Variants in DLC1 observed in about 807,000 individuals in gnomAD.
The protein encoded by DLC1 is rho GTPase-activating protein 7.
A neutral mutation model predicts 140.3 loss-of-function variants in DLC1; 54 were observed. The ratio of observed to expected loss-of-function variants is 0.38; its 90% CI spans 0.31 to 0.48. The LOEUF is 0.48. Among genes scored for constraint, DLC1 ranks in the 20% least tolerant of loss-of-function variants. The pLI is 0.96. For missense variants in DLC1, 2,536 were observed against 1,907.0 expected (o/e 1.33, Z -6.14); for synonymous variants, 986 against 728.1 (o/e 1.35, Z -5.70).
chr8:13,604,133 C>G (rs1368799773), intron 1 of DLC1, among the ~76,000 whole-genome samples: 1 of 151,740 alleles, frequency 6.6e-6, no homozygotes, highest in Non-Finnish European at 1.5e-5. Flanking sequence ...GAGGTAGAAA[C>G]AAAAGTAAAA....
intron 5 of DLC1, among the ~76,000 whole-genome samples, chr8:13,274,647 A>G (rs1218034257): frequency 2.0e-5 from 3 of 152,214 alleles, no homozygotes; most frequent in Non-Finnish European, 4.4e-5. Flanking sequence ...CAGGGATAAC[A>G]TTCTTATTCT....
At chr8:13,119,670 G>A (rs1317485354) in intron 5 of DLC1, among the ~76,000 whole-genome samples, 2 of 152,160 alleles carry the variant, frequency 1.3e-5, no homozygotes, top group East Asian at 3.9e-4. Flanking sequence ...AGCTTTCTGA[G>A]GCCAAGCGAG....
At chr8:13,462,038 G>C (rs1371617159) in intron 2 of DLC1, among the ~76,000 whole-genome samples, 1 of 152,062 alleles carries the variant, frequency 6.6e-6, no homozygotes, top group Non-Finnish European at 1.5e-5. Flanking sequence ...TTCCATCTTT[G>C]TATTACAAAT....
At chr8:13,394,123 T>G (rs1274837423) in intron 3 of DLC1, among the ~76,000 whole-genome samples, 1 of 152,188 alleles carries the variant, frequency 6.6e-6, no homozygotes, top group Non-Finnish European at 1.5e-5. Context: ...ACAAAGAGAG[T>G]TCTCATTTCT....
intron 5 of DLC1, among the ~76,000 whole-genome samples, chr8:13,184,656 C>G (rs1268706703): frequency 6.6e-6 from 1 of 152,184 alleles, no homozygotes. Context: ...GTACTGTGGT[C>G]TGAGAGACAG....
intron 5 of DLC1, among the ~76,000 whole-genome samples, chr8:13,271,938 T>C (rs1390392974): frequency 1.3e-5 from 2 of 152,206 alleles, no homozygotes; most frequent in East Asian, 3.9e-4. Flanking sequence ...GGCTTCCAAA[T>C]TGTTGGGATT....
intron 3 of DLC1, among the ~76,000 whole-genome samples, chr8:13,394,745 C>G (rs1164704756): frequency 1.3e-5 from 2 of 152,308 alleles, no homozygotes; most frequent in Non-Finnish European, 2.9e-5. Flanking sequence ...TCTTGTTTCT[C>G]AGTCCTACCT....
chr8:13,456,196 G>T (rs958041582), intron 2 of DLC1, among the ~76,000 whole-genome samples: 15 of 152,078 alleles, frequency 9.9e-5, no homozygotes, highest in African/African-American at 3.6e-4. Flanking sequence ...AAACATTTTG[G>T]CCTTTGCATC....
intron 6 of DLC1, 39 bp downstream of exon 6, chr8:13,115,547 G>T: frequency 1.3e-6 from 2 of 1,578,636 alleles, no homozygotes; most frequent in South Asian, 2.2e-5. Flanking sequence ...AAGGGATTAT[G>T]ATTATGCCAA....
chr8:13,293,890 C>T (rs1831851123), intron 5 of DLC1, among the ~76,000 whole-genome samples: 1 of 152,068 alleles, frequency 6.6e-6, no homozygotes, highest in Non-Finnish European at 1.5e-5. Context: ...TTTGTCTCAT[C>T]TAATTAGCAA....
intron 4 of DLC1, among the ~76,000 whole-genome samples, chr8:13,378,929 G>T (rs1384001767): frequency 6.6e-6 from 1 of 152,050 alleles, no homozygotes; most frequent in Non-Finnish European, 1.5e-5. Context: ...GATATGCTAG[G>T]AATCAGGATA....
chr8:13,333,042 T>TAACTG (rs1461001009), intron 4 of DLC1, among the ~76,000 whole-genome samples: 1 of 152,208 alleles, frequency 6.6e-6, no homozygotes, highest in Non-Finnish European at 1.5e-5. Context: ...CTAGAAAAAC[T>TAACTG]AACTGAATTT....
At chr8:13,405,957 C>G (rs1175128066) in intron 2 of DLC1, among the ~76,000 whole-genome samples, 1 of 92,738 alleles carries the variant, frequency 1.1e-5, no homozygotes, top group Non-Finnish European at 2.3e-5. Flanking sequence ...TTCTTTCTTT[C>G]TTTCTTTCTT....
At chr8:13,482,320 T>C (rs1164310288) in intron 2 of DLC1, among the ~76,000 whole-genome samples, 1 of 145,032 alleles carries the variant, frequency 6.9e-6, no homozygotes, top group Non-Finnish European at 1.5e-5. Context: ...TTAATCATGG[T>C]GTCTACAAGA....
chr8:13,566,410 A>G (rs1804431231), intron 1 of DLC1, among the ~76,000 whole-genome samples: 2 of 135,484 alleles, frequency 1.5e-5, no homozygotes. Flanking sequence ...GCTGGAGCAC[A>G]GAACACTACT....
intron 5 of DLC1, among the ~76,000 whole-genome samples, chr8:13,275,521 T>A (rs1831126166): frequency 6.6e-6 from 1 of 152,180 alleles, no homozygotes; most frequent in Non-Finnish European, 1.5e-5. Context: ...TGGGAAACCC[T>A]ACCCTAATTC....
chr8:13,513,815 T>C (rs1232221842), intron 1 of DLC1, among the ~76,000 whole-genome samples: 3 of 152,178 alleles, frequency 2.0e-5, no homozygotes, highest in Non-Finnish European at 4.4e-5. Context: ...AGTTTCCATA[T>C]GACTGGAGTG....
chr8:13,514,836 CT>C lies in DLC1; in HGVS notation c.-361del, dbSNP rs1218134761. Reference sequence around the variant, plus strand: ...TCAAGGCATTCCTAGTGACTTCTGTCTACTAAATTCAGACTGAGGTTTTGCA... The same window carrying C: ...TCAAGGCATTCCTAGTGACTTCTGTCACTAAATTCAGACTGAGGTTTTGCA... On this transcript the variant is annotated 5_prime_UTR_variant, in exon 1 of 18. Coordinates refer to ENST00000276297, the MANE Select transcript of DLC1 (RefSeq NM_182643.3). The C allele has an allele frequency of 2.5e-6, 1 of 392,522 alleles. No individual in the cohort carries two copies. The highest frequency in any genetic ancestry group is 4.5e-6 in the Non-Finnish European group (1 of 222,784). 24.3% of individuals were successfully genotyped at this position (392,522 alleles called of 1,614,324 possible).
Position 13,119,754 on chromosome 8 carries a change from C to A in DLC1, c.1349-4097G>T, listed in dbSNP as rs547475666. Among the ~76,000 whole-genome samples, 279 of 152,028 alleles carry A rather than the reference C, an allele frequency of 1.8e-3. 1 individual carries two copies. The highest frequency in any genetic ancestry group is 3.5e-3 in the Non-Finnish European group (237 of 67,980). On this transcript the variant is annotated intron_variant, in intron 5 of 17. Transcript: ENST00000276297. ...ATCATTTGAGGCCAGGAGTTCAAGA[C>A]CACTCTGGGCAATAATTGCGAGACT...
Sources: allele counts gnomAD v4.1 joint callset (sites outside exome capture counted in the v4.1 genomes callset), GRCh38; gene constraint gnomAD v4.1.1; transcripts MANE v1.5; gene names NCBI Gene and HGNC (gene_info 2026-07-23, HGNC 2026-07-21).